The following CFAP54 variants were observed in gnomAD, a reference collection of about 807,000 sequenced individuals.
CFAP54 encodes cilia- and flagella-associated protein 54.
Under a neutral mutation model 370.4 loss-of-function variants are expected in CFAP54, and 290 were observed. The ratio of observed to expected loss-of-function variants is 0.78; its 90% CI spans 0.71 to 0.86. The LOEUF (loss-of-function observed/expected upper bound fraction) is 0.86, where lower values mean the gene tolerates loss of function less well. CFAP54 is among the 40% of genes least tolerant of loss of function. The pLI is 0.00. For synonymous variants in CFAP54, 1,206 were observed against 1,236.5 expected (o/e 0.98, Z 0.52); for missense variants, 3,399 against 3,528.7 (o/e 0.96, Z 0.93).
At chr12:96,602,645 T>C (rs2136446032) in intron 26 of CFAP54, among the ~76,000 whole-genome samples, 1 of 152,338 alleles carries the variant, frequency 6.6e-6, no homozygotes, top group Admixed American at 6.5e-5. Flanking sequence ...TGCTCCTGTA[T>C]TGGGTGCATA....
At chr12:96,717,745 ACT>A (rs1957701471) in intron 48 of CFAP54, among the ~76,000 whole-genome samples, 1 of 152,236 alleles carries the variant, frequency 6.6e-6, no homozygotes. Context: ...CATCAGCAGA[ACT>A]GATGCTTCCA....
At chr12:96,743,153 C>T (rs1592737147) in intron 52 of CFAP54, among the ~76,000 whole-genome samples, 1 of 152,136 alleles carries the variant, frequency 6.6e-6, no homozygotes, top group East Asian at 1.9e-4. Context: ...CATTTCTATC[C>T]ATCTTCCAAA....
At chr12:96,549,973 A>G (rs1460866385) in intron 15 of CFAP54, among the ~76,000 whole-genome samples, 1 of 152,232 alleles carries the variant, frequency 6.6e-6, no homozygotes, top group Non-Finnish European at 1.5e-5. Context: ...TACTATTTAA[A>G]AAATGTATGA....
intron 19 of CFAP54, among the ~76,000 whole-genome samples, chr12:96,566,197 C>T (rs897261584): frequency 6.6e-6 from 1 of 152,186 alleles, no homozygotes; most frequent in Non-Finnish European, 1.5e-5. Flanking sequence ...CAAACTAATA[C>T]ACCTTCTTAC....
intron 26 of CFAP54, among the ~76,000 whole-genome samples, chr12:96,619,645 CT>C (rs1956463152): frequency 6.6e-6 from 1 of 152,008 alleles, no homozygotes; most frequent in South Asian, 2.1e-4. Context: ...GGAAAAAATT[CT>C]TTATCATTTA....
At chr12:96,764,115 A>G in intron 58 of CFAP54, 36 bp from the exon 59 acceptor site, 1 of 1,437,858 alleles carries the variant, frequency 7.0e-7, no homozygotes, top group Non-Finnish European at 9.7e-7. Flanking sequence ...AGTTATCACA[A>G]AACTTTATAT....
chr12:96,700,046 A>G lies in CFAP54; in HGVS notation c.6427A>G (p.Met2143Val), dbSNP rs139965696. The change falls in exon 46 of 68, where the codon ATG becomes GTG. Residue 2143 changes from methionine to valine, a missense_variant. By Grantham distance (21) the Met-to-Val change is conservative (BLOSUM62 1). Around this residue, in one of 3 missense-constraint regions of CFAP54, gnomAD observed 2,796 missense variants for 2,869.7 expected, o/e 0.97. Transcript: ENST00000524981. The part of the protein sequence containing the change: ...EISQIFYGKN[M>V]PCPIPAGYKA... ...ATCCCAAATTTTCTATGGAAAAAAC[A>G]TGCCTTGTCCAATACCTGCAGGCTA... 8.1e-6 allele frequency: 13 copies of G among 1,610,448 alleles called. No individual in the cohort carries two copies. Among genetic ancestry groups the G allele is most frequent in the Admixed American group, 1.7e-5 (1 of 59,426 alleles).
chr12:96,581,492 G>C (rs977649220), intron 22 of CFAP54, among the ~76,000 whole-genome samples: 2 of 152,100 alleles, frequency 1.3e-5, no homozygotes, highest in Non-Finnish European at 2.9e-5. Flanking sequence ...CTAGAGGGGT[G>C]CTACTGGCAT....
In CFAP54 at chr12:96,521,886, T is replaced by G. The variant is rs1168612906; in HGVS notation, c.972T>G (p.Ile324Met). The G allele has an allele frequency of 2.0e-6, 3 of 1,531,404 alleles. No individual in the cohort carries two copies. The highest frequency in any genetic ancestry group is 2.6e-6 in the Non-Finnish European group (3 of 1,142,986). 94.9% of individuals were successfully genotyped at this position (1,531,404 alleles called of 1,614,324 possible). A position where few individuals can be genotyped will look rare whatever the true frequency, so the allele number is the denominator to read the frequency against. Residue 324 changes from isoleucine to methionine, a missense_variant, in exon 7 of 68, where the codon ATT (isoleucine) becomes ATG (methionine). Ile to Met is a conservative substitution (Grantham distance 10, BLOSUM62 1). Transcript: ENST00000524981. ...EAFARRALAK[I>M]DELRQLELMS... ...TTGCTCGGCGTGCTTTGGCTAAAAT[T>G]GATGAGTTAAGGCAACTGGAATTAA...
intron 63 of CFAP54, among the ~76,000 whole-genome samples, chr12:96,806,397 A>G (rs886114789): frequency 2.0e-5 from 3 of 150,896 alleles, no homozygotes; most frequent in African/African-American, 4.9e-5. Flanking sequence ...GAAAACACAA[A>G]CTTGAATGGA....
chr12:96,716,375 G>A (rs913609584), intron 48 of CFAP54, among the ~76,000 whole-genome samples: 1 of 152,208 alleles, frequency 6.6e-6, no homozygotes, highest in African/African-American at 2.4e-5. Flanking sequence ...AACATTGAAA[G>A]GATCTGCATT....
chr12:96,591,405 G>A (rs1956122898), intron 23 of CFAP54, among the ~76,000 whole-genome samples: 1 of 152,144 alleles, frequency 6.6e-6, no homozygotes, highest in Admixed American at 6.5e-5. Context: ...AAGTTTGGTG[G>A]TAAAGAGGAG....
intron 11 of CFAP54, among the ~76,000 whole-genome samples, chr12:96,534,858 T>A (rs1468795247): frequency 6.6e-6 from 1 of 152,170 alleles, no homozygotes. Flanking sequence ...TTTTTATTAT[T>A]TTTCTTTCAA....
At chr12:96,660,113 A>T (rs965630033) in intron 38 of CFAP54, among the ~76,000 whole-genome samples, 2 of 152,214 alleles carry the variant, frequency 1.3e-5, no homozygotes, top group Non-Finnish European at 2.9e-5. Context: ...AGTAAGGGTG[A>T]TCTAGAAGAC....
At chr12:96,848,360 C>T (rs990211323) in intron 66 of CFAP54, among the ~76,000 whole-genome samples, 1 of 152,084 alleles carries the variant, frequency 6.6e-6, no homozygotes, top group Admixed American at 6.5e-5. Flanking sequence ...CGTGAGCCAC[C>T]GTGCCCAACC....
chr12:96,510,587 T>A (rs956147279), intron 4 of CFAP54, among the ~76,000 whole-genome samples: 75 of 152,318 alleles, frequency 4.9e-4, no homozygotes, highest in African/African-American at 1.8e-3. Context: ...ACATGTTTTT[T>A]GGACAGGCAT....
At chr12:96,725,635 A>G (rs1957823555) in intron 50 of CFAP54, among the ~76,000 whole-genome samples, 1 of 152,152 alleles carries the variant, frequency 6.6e-6, no homozygotes, top group Non-Finnish European at 1.5e-5. Context: ...GGACAATTTG[A>G]CTTCTTATTT....
intron 2 of CFAP54, among the ~76,000 whole-genome samples, chr12:96,503,072 T>C (rs539786458): frequency 6.3e-4 from 65 of 103,860 alleles, no homozygotes; most frequent in South Asian, 4.5e-3. Flanking sequence ...CTCTCTCTCT[T>C]TCTTTCTTTC....
intron 66 of CFAP54, among the ~76,000 whole-genome samples, chr12:96,832,266 T>C (rs1356208465): frequency 1.1e-5 from 1 of 88,626 alleles, no homozygotes; most frequent in Non-Finnish European, 2.6e-5. Flanking sequence ...AAGCTTTTTC[T>C]TTTGTAAAAA....
Sources: gnomAD v4.1 joint callset for allele counts (sites outside exome capture counted in the v4.1 genomes callset) on GRCh38, gnomAD v4.1.1 for gene constraint, gnomAD v4.1.1 regional missense constraint, MANE v1.5 for transcripts, NCBI Gene and HGNC (gene_info 2026-07-23, HGNC 2026-07-21) for gene names.